The following MSRA variants were observed in gnomAD, a reference collection of about 807,000 sequenced individuals.
MSRA encodes methionine sulfoxide reductase A.
MSRA carries 54 observed loss-of-function variants against 31.3 expected under a neutral mutation model. That is an observed-to-expected ratio of 1.73 (90% CI 1.39 to 2.17). The LOEUF is 2.17. Among genes scored for constraint, MSRA ranks in the 30% most tolerant of loss-of-function variants. MSRA has a pLI of 0.00. For synonymous variants in MSRA, 169 were observed against 116.5 expected (o/e 1.45, Z -2.90); for missense variants, 507 against 300.9 (o/e 1.69, Z -5.07).
intron 5 of MSRA, among the ~76,000 whole-genome samples, chr8:10,338,953 G>T (rs534364102): frequency 6.6e-6 from 1 of 152,322 alleles, no homozygotes; most frequent in African/African-American, 2.4e-5. Context: ...GCAGAATTGG[G>T]TTGTGGGGAG....
intron 1 of MSRA, among the ~76,000 whole-genome samples, chr8:10,188,561 C>A (rs796636691): frequency 6.6e-6 from 1 of 152,206 alleles, no homozygotes; most frequent in African/African-American, 2.4e-5. Context: ...TAGCTACGAT[C>A]CATTTAAAGT....
At chr8:10,159,054 G>A (rs1458932044) in intron 1 of MSRA, among the ~76,000 whole-genome samples, 3 of 152,204 alleles carry the variant, frequency 2.0e-5, no homozygotes, top group African/African-American at 7.2e-5. Context: ...CAAAGAGGAT[G>A]GATGAGAGAG....
intron 1 of MSRA, among the ~76,000 whole-genome samples, chr8:10,074,515 C>T (rs1002347503): frequency 2.0e-5 from 3 of 152,102 alleles, no homozygotes; most frequent in Non-Finnish European, 4.4e-5. Flanking sequence ...GAAAGGTAAA[C>T]CACTGTGGTA....
At chr8:10,354,750 G>GTGTATATATATA (rs371336632) in intron 5 of MSRA, among the ~76,000 whole-genome samples, 39 of 138,392 alleles carry the variant, frequency 2.8e-4, no homozygotes, top group African/African-American at 9.7e-4. Context: ...GTGTGTGTGT[G>GTGTATATATATA]TATATATATA....
intron 5 of MSRA, among the ~76,000 whole-genome samples, chr8:10,421,995 C>T (rs748410185): frequency 6.6e-6 from 1 of 152,186 alleles, no homozygotes; most frequent in Non-Finnish European, 1.5e-5. Flanking sequence ...TAAAACACGC[C>T]AGGCAGGCTG....
At chr8:10,357,105 A>G (rs921546219) in intron 5 of MSRA, among the ~76,000 whole-genome samples, 10 of 152,152 alleles carry the variant, frequency 6.6e-5, no homozygotes, top group African/African-American at 2.4e-4. Context: ...TTAACAAAGT[A>G]GTGATGCTTT....
At chr8:10,099,523 G>A (rs1042736994) in intron 1 of MSRA, among the ~76,000 whole-genome samples, 3 of 152,216 alleles carry the variant, frequency 2.0e-5, no homozygotes, top group Admixed American at 6.5e-5. Context: ...CATGCTGGGC[G>A]CAGGGACTGG....
intron 1 of MSRA, among the ~76,000 whole-genome samples, chr8:10,140,117 G>A (rs906277672): frequency 6.6e-6 from 1 of 152,206 alleles, no homozygotes; most frequent in African/African-American, 2.4e-5. Flanking sequence ...GGACAGATGT[G>A]GAGGAGTGTG....
chr8:10,283,170 T>TCTCTCTC (rs1554515466), intron 3 of MSRA, among the ~76,000 whole-genome samples: 2 of 93,746 alleles, frequency 2.1e-5, no homozygotes, highest in Non-Finnish European at 2.7e-5. Flanking sequence ...ACTCTCACCC[T>TCTCTCTC]TCTCTTTGCT....
intron 5 of MSRA, among the ~76,000 whole-genome samples, chr8:10,378,406 G>A (rs1267910048): frequency 6.6e-6 from 1 of 152,202 alleles, no homozygotes; most frequent in Non-Finnish European, 1.5e-5. Context: ...CAGAAACTAG[G>A]AGGGCTGCCG....
At chr8:10,271,571 C>CGTAAT (rs1563292986) in intron 3 of MSRA, among the ~76,000 whole-genome samples, 1 of 10,954 alleles carries the variant, frequency 9.1e-5, no homozygotes, top group African/African-American at 2.1e-4. Flanking sequence ...AACACCTGCC[C>CGTAAT]GTAAATTCAA....
intron 1 of MSRA, among the ~76,000 whole-genome samples, chr8:10,064,332 T>C (rs933628484): frequency 1.3e-5 from 2 of 152,164 alleles, no homozygotes; most frequent in Non-Finnish European, 2.9e-5. Context: ...CGGGCTCTTA[T>C]GAAAGGGGAC....
chr8:10,248,927 A>G (rs1485921880), intron 3 of MSRA, among the ~76,000 whole-genome samples: 1 of 152,182 alleles, frequency 6.6e-6, no homozygotes, highest in Non-Finnish European at 1.5e-5. Context: ...GTGGAGATGG[A>G]CAGTCACTTG....
chr8:10,095,685 A>C, intron 1 of MSRA: 1 of 1,020,556 alleles, frequency 9.8e-7, no homozygotes, highest in Non-Finnish European at 1.2e-6. Flanking sequence ...AGGAAAGAAA[A>C]CCGTCCTGGG....
intron 1 of MSRA, among the ~76,000 whole-genome samples, chr8:10,189,680 G>C (rs1362895153): frequency 6.6e-6 from 1 of 151,796 alleles, no homozygotes; most frequent in Non-Finnish European, 1.5e-5. Context: ...TGAATTCCTT[G>C]GATGAATCCC....
intron 1 of MSRA, among the ~76,000 whole-genome samples, chr8:10,180,162 C>A (rs1470834276): frequency 1.3e-5 from 2 of 152,218 alleles, no homozygotes; most frequent in African/African-American, 4.8e-5. Context: ...GACTACCTGA[C>A]TCAGTAGTCC....
chr8:10,390,954 C>T (rs940040620), intron 5 of MSRA, among the ~76,000 whole-genome samples: 6 of 142,280 alleles, frequency 4.2e-5, no homozygotes, highest in South Asian at 4.6e-4. Flanking sequence ...CCAGCCTGGG[C>T]GATAAGTGAG....
At chr8:10,423,537 A>G (rs1485720664) in intron 5 of MSRA, among the ~76,000 whole-genome samples, 1 of 151,764 alleles carries the variant, frequency 6.6e-6, no homozygotes, top group African/African-American at 2.4e-5. Flanking sequence ...CAGCAGAGGA[A>G]CCATCTGTAA....
At chr8:10,212,413 T>C (rs1388040192) in intron 2 of MSRA, among the ~76,000 whole-genome samples, 2 of 152,082 alleles carry the variant, frequency 1.3e-5, no homozygotes, top group Non-Finnish European at 2.9e-5. Context: ...CCAAGTTAAG[T>C]AGAAATGGAA....
Sources: allele counts gnomAD v4.1 joint callset (sites outside exome capture counted in the v4.1 genomes callset), GRCh38; gene constraint gnomAD v4.1.1; transcripts MANE v1.5; gene names NCBI Gene and HGNC (gene_info 2026-07-23, HGNC 2026-07-21).